The following FBN1 variants were observed in gnomAD, a reference collection of about 807,000 sequenced individuals.
FBN1 encodes the protein fibrillin 1, also known as fibrillin-1.
In FBN1, 29 loss-of-function variants were observed where a neutral mutation model predicts 365.1. The observed-to-expected ratio is 0.08, with a 90% CI of 0.06 to 0.11. The LOEUF (loss-of-function observed/expected upper bound fraction) is 0.11, where lower values mean the gene tolerates loss of function less well. FBN1 is among the 10% of genes least tolerant of loss of function. The probability of loss-of-function intolerance (pLI) is 1.00; values close to 1 mark genes in which losing one functional copy is unlikely to be tolerated. For missense variants in FBN1, 2,476 were observed against 3,703.2 expected (o/e 0.67, Z 8.60); for synonymous variants, 1,210 against 1,270.5 (o/e 0.95, Z 1.01).
At chr15:48,566,028 G>A (rs2044256734) in intron 6 of FBN1, among the ~76,000 whole-genome samples, 1 of 152,172 alleles carries the variant, frequency 6.6e-6, no homozygotes, top group Non-Finnish European at 1.5e-5. Flanking sequence ...CTAAGAATAT[G>A]TTATTCATGT....
intron 6 of FBN1, among the ~76,000 whole-genome samples, chr15:48,580,327 A>G (rs1368906062): frequency 1.3e-5 from 2 of 152,196 alleles, no homozygotes; most frequent in Non-Finnish European, 2.9e-5. Context: ...AACACGTGGT[A>G]GAGCCCCTGC....
At chr15:48,468,231 G>A in intron 37 of FBN1, 129 bp from the exon 38 acceptor site, 1 of 1,362,338 alleles carries the variant, frequency 7.3e-7, no homozygotes, top group South Asian at 1.2e-5. Flanking sequence ...AAGTGCCCAT[G>A]AACATTATAC....
chr15:48,448,701 T>C, intron 46 of FBN1, 67 bp downstream of exon 46: 1 of 1,483,338 alleles, frequency 6.7e-7, no homozygotes, highest in Non-Finnish European at 9.3e-7. Flanking sequence ...TTAAATTTTA[T>C]CCATATTTAG....
At chr15:48,593,866 A>G (rs1273298324) in intron 6 of FBN1, among the ~76,000 whole-genome samples, 1 of 152,190 alleles carries the variant, frequency 6.6e-6, no homozygotes, top group African/African-American at 2.4e-5. Flanking sequence ...AAAGGAAAGT[A>G]GTAAAGGCCT....
chr15:48,445,612 CT>C, intron 47 of FBN1, 108 bp from the exon 48 acceptor site: 1 of 1,243,676 alleles, frequency 8.0e-7, no homozygotes. Flanking sequence ...TTTTAGTGGC[CT>C]TTGCTGGCTT....
In FBN1 at chr15:48,412,240, T is replaced by C. The variant is rs1249162641; in HGVS notation, c.8226+329A>G. 5.9e-5 allele frequency among the ~76,000 whole-genome samples: 9 copies of C among 152,248 alleles called. No homozygotes were observed. The South Asian group carries it at 1.9e-3, about 32-fold the overall frequency. On this transcript the variant is annotated intron_variant, in intron 65 of 65. Transcript: ENST00000316623. ...TGGCATTCCTATGTAGGGAGCACTA[T>C]GTCACTTCGCTATTCTGCCCACTTG...
At chr15:48,503,679 C>T (rs1044363507) in intron 17 of FBN1, 108 bp downstream of exon 17, 6 of 1,449,284 alleles carry the variant, frequency 4.1e-6, no homozygotes, top group South Asian at 1.2e-5. Context: ...AGGCACATGG[C>T]GTACCTGGAG....
rs752367915 is a variant in FBN1 at position 48,445,477 on chromosome 15, C to T, written c.5816G>A (p.Gly1939Glu). Reference sequence around the variant, plus strand: ...GCATTGGCCATTTCTGCAAAGATTCCCATTTCCACTTGCACATTCATCAAC... The same window carrying T: ...GCATTGGCCATTTCTGCAAAGATTCTCATTTCCACTTGCACATTCATCAAC... ...IDVDECASGN[G>E]NLCRNGQCIN... Residue 1939 changes from glycine (G) to glutamate (E), a missense_variant, in exon 48 of 66, where the codon GGG (glycine) becomes GAG (glutamate). Around this residue, in one of 5 missense-constraint regions of FBN1, gnomAD observed 1,780 missense variants for 2,840.8 expected, o/e 0.63. Transcript: ENST00000316623. The T allele has an allele frequency of 4.3e-6, 7 of 1,612,732 alleles. No homozygotes were observed. Among genetic ancestry groups the T allele is most frequent in the Middle Eastern group, 1.7e-4 (1 of 6,052 alleles).
Position 48,488,238 on chromosome 15 carries a change from A to G in FBN1, c.3212T>C (p.Ile1071Thr). Residue 1071 changes from isoleucine (I) to threonine (T), a missense_variant, in exon 27 of 66, where the codon ATT (isoleucine) becomes ACT (threonine). Physicochemically the swap from Ile to Thr is moderately conservative, Grantham distance 89. This residue lies in a region of FBN1 where 1,780 missense variants were observed against 2,840.8 expected (regional missense o/e 0.63). Coordinates refer to ENST00000316623, the MANE Select transcript of FBN1 (RefSeq NM_000138.5). ...GTCAGGAGATATGCGGCATTCGTCA[A>G]TGTCTGCACAAAAACAGCAAGTGGC... ...LDSEERNCTD[I>T]DECRISPDLC... is the part of the protein sequence containing the mutation. 1 of 1,614,216 alleles carries G rather than the reference A, an allele frequency of 6.2e-7. No homozygotes were observed. Among genetic ancestry groups the G allele is most frequent in the South Asian group, 1.1e-5 (1 of 91,084 alleles).
At chr15:48,463,848 T>C (rs757290145) in intron 41 of FBN1, 51 bp downstream of exon 41, 1 of 1,560,592 alleles carries the variant, frequency 6.4e-7, no homozygotes, top group South Asian at 1.2e-5. Context: ...GCTCTCTTCC[T>C]CTTTGTAGAT....
Position 48,496,119 on chromosome 15 carries a change from A to G in FBN1, c.2400T>C (p.Pro800=). Residue 800 remains proline, a synonymous_variant, in exon 20 of 66, where the codon CCT becomes CCC. Transcript: ENST00000316623. ...GTTTACCTTCACATGTTTTTAGATCAGGTTTGTAGATAAATCCCTTGGGGC... is the reference window on the plus strand; with the variant it reads ...GTTTACCTTCACATGTTTTTAGATCGGGTTTGTAGATAAATCCCTTGGGGC... ...CTCPKGFIYK[P]DLKTCEDIDE... is the part of the protein sequence containing the mutation. 2 of 1,613,844 alleles carry G rather than the reference A, an allele frequency of 1.2e-6. No individual in the cohort carries two copies. The highest frequency in any genetic ancestry group is 1.7e-6 in the Non-Finnish European group (2 of 1,179,800).
At chr15:48,612,343 T>C (rs2044662923) in intron 3 of FBN1, among the ~76,000 whole-genome samples, 1 of 152,190 alleles carries the variant, frequency 6.6e-6, no homozygotes, top group African/African-American at 2.4e-5. Context: ...TTCTGAAAAC[T>C]GGACATTATT....
chr15:48,504,336 C>T (rs949405778), intron 16 of FBN1, among the ~76,000 whole-genome samples: 5 of 152,086 alleles, frequency 3.3e-5, no homozygotes, highest in African/African-American at 7.2e-5. Flanking sequence ...ATTAGAAATG[C>T]GGCCTATCCC....
intron 6 of FBN1, among the ~76,000 whole-genome samples, chr15:48,542,372 A>T (rs867248068): frequency 3.3e-5 from 5 of 152,150 alleles, no homozygotes; most frequent in African/African-American, 1.2e-4. Flanking sequence ...ATGACAAACA[A>T]AAGAATGAGA....
intron 24 of FBN1, among the ~76,000 whole-genome samples, chr15:48,491,057 A>G (rs961868818): frequency 2.0e-5 from 3 of 152,192 alleles, no homozygotes; most frequent in African/African-American, 7.2e-5. Context: ...CCATATTAAG[A>G]TAAATTATTT....
intron 6 of FBN1, among the ~76,000 whole-genome samples, chr15:48,590,759 G>A (rs2044471362): frequency 6.6e-6 from 1 of 152,226 alleles, no homozygotes; most frequent in African/African-American, 2.4e-5. Context: ...AATGAACTAA[G>A]GATTATTTCA....
rs58176340 is a variant in FBN1 at position 48,559,762 on chromosome 15, G to A, written c.539-21954C>T. On this transcript the variant is annotated intron_variant, in intron 6 of 65. Transcript: ENST00000316623. ...TGATGGCATATCAGAAGATTAGGACGATAGAGGAAAGTTTTCATATCTAAG... is the reference window on the plus strand; with the variant it reads ...TGATGGCATATCAGAAGATTAGGACAATAGAGGAAAGTTTTCATATCTAAG... Among the ~76,000 whole-genome samples the A allele has an allele frequency of 6.5e-3, 988 of 152,260 alleles. 10 individuals carry two copies. The highest frequency in any genetic ancestry group is 0.023 in the African/African-American group (957 of 41,562).
chr15:48,607,723 T>C (rs1279555921), intron 4 of FBN1, among the ~76,000 whole-genome samples: 3 of 152,322 alleles, frequency 2.0e-5, no homozygotes, highest in South Asian at 2.1e-4. Flanking sequence ...TATTTTGTTA[T>C]AGAAGCCCAA....
chr15:48,622,315 C>T (rs1464205705), intron 2 of FBN1, among the ~76,000 whole-genome samples: 1 of 152,188 alleles, frequency 6.6e-6, no homozygotes, highest in Non-Finnish European at 1.5e-5. Context: ...GCACTAACAT[C>T]AAGGTCTGCC....
Sources: gnomAD v4.1 joint callset for allele counts (sites outside exome capture counted in the v4.1 genomes callset) on GRCh38, gnomAD v4.1.1 for gene constraint, gnomAD v4.1.1 regional missense constraint, MANE v1.5 for transcripts, NCBI Gene and HGNC (gene_info 2026-07-23, HGNC 2026-07-21) for gene names.